The following AGBL1 variants were observed in gnomAD, a reference collection of about 807,000 sequenced individuals.
AGBL1 encodes the protein AGBL carboxypeptidase 1, also known as cytosolic carboxypeptidase 4.
AGBL1 carries 130 observed loss-of-function variants against 118.9 expected under a neutral mutation model. The observed-to-expected ratio is 1.09, with a 90% CI of 0.95 to 1.26. AGBL1 has a LOEUF of 1.26. Ranked by LOEUF, AGBL1 falls within the 50% of genes most tolerant of loss-of-function variation. The pLI, the probability that AGBL1 is intolerant of heterozygous loss-of-function variation, is 0.00. For synonymous variants in AGBL1, 555 were observed against 478.9 expected, an observed-to-expected ratio of 1.16 and a Z score of -2.08; for missense variants, 1,584 against 1,298.1, an observed-to-expected ratio of 1.22 and a Z score of -3.38.
intron 19 of AGBL1, among the ~76,000 whole-genome samples, chr15:86,530,474 C>G (rs914447374): frequency 6.0e-5 from 8 of 133,094 alleles, no homozygotes; most frequent in African/African-American, 2.7e-4. Flanking sequence ...CCTGAGTGAC[C>G]TACAAAGAGA....
chr15:86,438,657 C>CTTTTTTT (rs35937855), intron 18 of AGBL1, among the ~76,000 whole-genome samples: 10 of 131,624 alleles, frequency 7.6e-5, no homozygotes, highest in Non-Finnish European at 9.6e-5. Context: ...TAATCTGTCT[C>CTTTTTTT]TTTTTTTTTT....
chr15:86,159,236 AT>A (rs773663289), intron 5 of AGBL1, among the ~76,000 whole-genome samples: 129 of 152,116 alleles, frequency 8.5e-4, no homozygotes, highest in Non-Finnish European at 9.3e-4. Flanking sequence ...CTGAATGGGT[AT>A]ATTATTATTC....
chr15:86,878,599 CT>C (rs1192008353), intron 22 of AGBL1, among the ~76,000 whole-genome samples: 2 of 152,024 alleles, frequency 1.3e-5, no homozygotes, highest in Non-Finnish European at 2.9e-5. Context: ...TCTTCAATCT[CT>C]TTCTGTTTTT....
chr15:86,754,685 C>A (rs34017168), intron 22 of AGBL1, among the ~76,000 whole-genome samples: 1 of 151,914 alleles, frequency 6.6e-6, no homozygotes, highest in African/African-American at 2.4e-5. Flanking sequence ...TCTTCCACTC[C>A]GGTGTTCAAT....
intron 22 of AGBL1, among the ~76,000 whole-genome samples, chr15:86,758,410 G>T (rs56361112): frequency 6.6e-6 from 1 of 151,902 alleles, no homozygotes; most frequent in Admixed American, 6.6e-5. Flanking sequence ...TATGTGTTCC[G>T]TAGTACCATG....
At chr15:86,366,718 C>T (rs1459179308) in intron 17 of AGBL1, among the ~76,000 whole-genome samples, 1 of 152,192 alleles carries the variant, frequency 6.6e-6, no homozygotes, top group Non-Finnish European at 1.5e-5. Flanking sequence ...CAGAAGCATT[C>T]AGGAGATGTC....
chr15:86,569,407 A>T (rs1194386950), intron 21 of AGBL1, among the ~76,000 whole-genome samples: 2 of 119,298 alleles, frequency 1.7e-5, no homozygotes, highest in Admixed American at 8.3e-5. Flanking sequence ...GAAAAAGAAA[A>T]CAAGGAAAAA....
At chr15:86,745,957 A>G (rs985415677) in intron 22 of AGBL1, among the ~76,000 whole-genome samples, 2 of 152,066 alleles carry the variant, frequency 1.3e-5, no homozygotes, top group Admixed American at 1.3e-4. Flanking sequence ...TCTCTCTTTC[A>G]GGTAGAGAAT....
chr15:86,568,106 T>C (rs2142303685), intron 21 of AGBL1, among the ~76,000 whole-genome samples: 1 of 152,332 alleles, frequency 6.6e-6, no homozygotes, highest in Middle Eastern at 3.4e-3. Flanking sequence ...ATTAGCTTAA[T>C]TCTACTACAA....
At chr15:86,179,692 C>T (rs951023870) in intron 5 of AGBL1, among the ~76,000 whole-genome samples, 8 of 152,002 alleles carry the variant, frequency 5.3e-5, no homozygotes, top group African/African-American at 1.4e-4. Context: ...ATTATACTGG[C>T]GATTCTAGTC....
At chr15:86,843,636 T>C (rs143451319) in intron 22 of AGBL1, among the ~76,000 whole-genome samples, 1 of 152,330 alleles carries the variant, frequency 6.6e-6, no homozygotes, top group African/African-American at 2.4e-5. Context: ...TCAACCTTAA[T>C]TACATGTCTG....
chr15:86,321,131 T>C lies in AGBL1; in HGVS notation c.2374+25723T>C, dbSNP rs145980729. Reference sequence around the variant, plus strand: ...CTTAAAATTAAGTGACATAATACTCTTTTATTTTTAAATTCTCTGAAGAGT... The same window carrying C: ...CTTAAAATTAAGTGACATAATACTCCTTTATTTTTAAATTCTCTGAAGAGT... On this transcript the variant is annotated intron_variant, in intron 17 of 22. Coordinates refer to ENST00000614907, the MANE Select transcript of AGBL1 (RefSeq NM_001386094.1). Among the ~76,000 whole-genome samples the C allele has an allele frequency of 4.1e-3, 631 of 152,290 alleles. 6 individuals carry two copies. Among genetic ancestry groups the C allele is most frequent in the African/African-American group, 0.014 (589 of 41,586 alleles).
intron 20 of AGBL1, among the ~76,000 whole-genome samples, chr15:86,549,102 C>T (rs957655179): frequency 6.6e-6 from 1 of 152,082 alleles, no homozygotes; most frequent in South Asian, 2.1e-4. Flanking sequence ...ATCCAGTCAC[C>T]TCCTACCAGG....
intron 22 of AGBL1, among the ~76,000 whole-genome samples, chr15:86,714,801 A>G (rs1415959698): frequency 2.0e-5 from 3 of 152,074 alleles, no homozygotes; most frequent in African/African-American, 7.2e-5. Flanking sequence ...GGGTCCCCTG[A>G]AGGGAAACAA....
chr15:86,603,193 T>C (rs1159420384), intron 21 of AGBL1, among the ~76,000 whole-genome samples: 1 of 152,148 alleles, frequency 6.6e-6, no homozygotes, highest in African/African-American at 2.4e-5. Context: ...TCCCCCACCA[T>C]CATCCATTTC....
chr15:86,989,575 T>G (rs1470558708), intron 24 of AGBL1, among the ~76,000 whole-genome samples: 1 of 152,212 alleles, frequency 6.6e-6, no homozygotes, highest in Non-Finnish European at 1.5e-5. Context: ...TGTTGATTAA[T>G]TGCCCACTTA....
At chr15:86,960,179 G>A (rs2080976999) in intron 23 of AGBL1, among the ~76,000 whole-genome samples, 1 of 152,002 alleles carries the variant, frequency 6.6e-6, no homozygotes, top group African/African-American at 2.4e-5. Context: ...TTTCTTAGTT[G>A]TTAAAAAGAT....
At chr15:86,947,092 C>G (rs1046952056) in intron 23 of AGBL1, among the ~76,000 whole-genome samples, 2 of 152,146 alleles carry the variant, frequency 1.3e-5, no homozygotes, top group Non-Finnish European at 2.9e-5. Context: ...CGAAGATCAT[C>G]TCTGCTGCTT....
intron 3 of AGBL1, among the ~76,000 whole-genome samples, chr15:86,152,792 A>G (rs2077131455): frequency 1.3e-5 from 2 of 152,226 alleles, no homozygotes; most frequent in African/African-American, 4.8e-5. Context: ...TCCAAAGTCT[A>G]CAAAGAACTC....
Sources: allele counts gnomAD v4.1 joint callset (sites outside exome capture counted in the v4.1 genomes callset), GRCh38; gene constraint gnomAD v4.1.1; transcripts MANE v1.5; gene names NCBI Gene and HGNC (gene_info 2026-07-23, HGNC 2026-07-21).